The following NOL9 variants were observed in gnomAD, a reference collection of about 807,000 sequenced individuals.
NOL9 encodes the protein polynucleotide 5'-hydroxyl-kinase NOL9.
NOL9 carries 28 observed loss-of-function variants against 67.9 expected under a neutral mutation model. The ratio of observed to expected loss-of-function variants is 0.41; its 90% confidence interval spans 0.31 to 0.57. The LOEUF is 0.57. Ranked by LOEUF, NOL9 falls within the 20% of genes least tolerant of loss-of-function variation. The probability of loss-of-function intolerance (pLI) is 0.25; values close to 1 mark genes in which losing one functional copy is unlikely to be tolerated. For synonymous variants in NOL9, 356 were observed against 352.2 expected (o/e 1.01, Z -0.12); for missense variants, 777 against 897.0 (o/e 0.87, Z 1.71).
chr1:6,550,918 G>A (rs575039219), intron 1 of NOL9, among the ~76,000 whole-genome samples: 3 of 151,964 alleles, frequency 2.0e-5, no homozygotes, highest in African/African-American at 7.2e-5. Context: ...CCCGACCTCA[G>A]GTGATCCATC....
At chr1:6,553,585 T>TA (rs769198172) in intron 1 of NOL9, among the ~76,000 whole-genome samples, 5 of 151,886 alleles carry the variant, frequency 3.3e-5, no homozygotes, top group Non-Finnish European at 5.9e-5. Flanking sequence ...TTCACACCTG[T>TA]AATCCCAGCA....
intron 6 of NOL9, among the ~76,000 whole-genome samples, chr1:6,535,429 A>G (rs143425597): frequency 6.6e-6 from 1 of 152,316 alleles, no homozygotes; most frequent in East Asian, 1.9e-4. Context: ...GGATGGAGCC[A>G]TGGAGTAGCC....
chr1:6,550,173 A>G (rs565540031), intron 2 of NOL9, among the ~76,000 whole-genome samples: 92 of 152,190 alleles, frequency 6.0e-4, no homozygotes, highest in African/African-American at 2.1e-3. Flanking sequence ...CTGGGACTAC[A>G]GGCGCCTGCC....
chr1:6,541,048 A>G (rs1040222085), intron 6 of NOL9: 1 of 121,414 alleles, frequency 8.2e-6, no homozygotes, highest in Admixed American at 1.1e-4. Context: ...ATAGAATCTC[A>G]CTCTGTTGCC....
intron 7 of NOL9, 109 bp downstream of exon 7, chr1:6,533,171 C>T (rs964171476): frequency 5.2e-6 from 6 of 1,151,602 alleles, no homozygotes; most frequent in African/African-American, 1.6e-5. Context: ...TGAGACCCTG[C>T]CTCAATTAAA....
At chr1:6,534,197 A>C (rs1639097860) in intron 6 of NOL9, among the ~76,000 whole-genome samples, 1 of 152,104 alleles carries the variant, frequency 6.6e-6, no homozygotes, top group Non-Finnish European at 1.5e-5. Context: ...AAGAGCCTCT[A>C]ATTTTCATAA....
intron 2 of NOL9, 62 bp downstream of exon 2, chr1:6,550,334 A>G: frequency 1.3e-6 from 2 of 1,496,998 alleles, no homozygotes; most frequent in Non-Finnish European, 1.9e-6. Context: ...CCTGGCCCTA[A>G]AAATTATGAA....
In NOL9 at chr1:6,525,708, A is replaced by G; in HGVS notation, c.*146T>C. The G allele has an allele frequency of 3.7e-6, 3 of 810,476 alleles. No individual in the cohort carries two copies. Among genetic ancestry groups the G allele is most frequent in the Non-Finnish European group, 6.1e-6 (3 of 494,696 alleles). The allele number at this position is 810,476 out of a possible 1,614,324, so 50.2% of individuals were successfully genotyped here. A position where few individuals can be genotyped will look rare whatever the true frequency, so the allele number is the denominator to read the frequency against. ...TTTAAAAGAGAAACTTAAGACTACT[A>G]TATGACATTCACGAATTACACAAAA... is the stretch of plus-strand genomic sequence containing the variant. On this transcript the variant is annotated 3_prime_UTR_variant, in exon 12 of 12. Coordinates refer to ENST00000377705, the MANE Select transcript of NOL9 (RefSeq NM_024654.5).
In NOL9 at chr1:6,550,380, C is replaced by G; in HGVS notation, c.616+16G>C. 6.2e-7 allele frequency: 1 copy of G among 1,605,104 alleles called. No individual in the cohort carries two copies. Among genetic ancestry groups the G allele is most frequent in the Non-Finnish European group, 8.5e-7 (1 of 1,171,920 alleles). On this transcript the variant is annotated intron_variant, in intron 2 of 11. Coordinates refer to ENST00000377705, the MANE Select transcript of NOL9 (RefSeq NM_024654.5). ...TACAGTAGGCCCTCAGTAAATTACCCAGTTCTTTTCATTACCAAGGTTAAG... is the reference window on the plus strand; with the variant it reads ...TACAGTAGGCCCTCAGTAAATTACCGAGTTCTTTTCATTACCAAGGTTAAG...
Position 6,532,678 on chromosome 1 carries a change from T to C in NOL9, c.1320A>G (p.Lys440=), listed in dbSNP as rs1299009466. ...HVVQFRSDHS[K]YMPDLTPQYV... is the part of the protein sequence containing the mutation. ...ACTGCGGGGTAAGGTCTGGCATATA[T>C]TTACTGTGGTCAGAGCGGAACTGAA... is the stretch of plus-strand genomic sequence containing the variant. The change falls in exon 8 of 12, where the codon AAA becomes AAG. Residue 440 remains lysine (K), a synonymous_variant. Transcript: ENST00000377705. The C allele has an allele frequency of 6.2e-7, 1 of 1,614,064 alleles. No individual in the cohort carries two copies. Among genetic ancestry groups the C allele is most frequent in the African/African-American group, 1.3e-5 (1 of 74,908 alleles).
At chr1:6,528,937 T>C in intron 10 of NOL9, 57 bp downstream of exon 10, 5 of 1,542,364 alleles carry the variant, frequency 3.2e-6, no homozygotes, top group Non-Finnish European at 4.5e-6. Flanking sequence ...TCATCTACAG[T>C]TGAAGCAGTG....
intron 3 of NOL9, among the ~76,000 whole-genome samples, chr1:6,547,120 G>A (rs1406655315): frequency 6.6e-6 from 1 of 152,150 alleles, no homozygotes. Flanking sequence ...GTGCCCCAGG[G>A]CTCAGAGCTG....
intron 1 of NOL9, 76 bp downstream of exon 1, chr1:6,554,031 T>C (rs1639608103): frequency 1.6e-6 from 2 of 1,274,202 alleles, no homozygotes; most frequent in East Asian, 2.9e-5. Flanking sequence ...GGTCCTCTCC[T>C]ACCCTGCAGC....
intron 6 of NOL9, among the ~76,000 whole-genome samples, chr1:6,534,653 G>A (rs1437413682): frequency 6.6e-6 from 1 of 152,154 alleles, no homozygotes; most frequent in Non-Finnish European, 1.5e-5. Context: ...CAAATATATT[G>A]TAAATAATCA....
chr1:6,532,195 C>A, intron 8 of NOL9, 116 bp from the exon 9 acceptor site: 2 of 837,168 alleles, frequency 2.4e-6, no homozygotes, highest in South Asian at 3.2e-5. Flanking sequence ...AACACTGCCC[C>A]CCCTTGACGG....
At position 6,525,802 on chromosome 1, in the gene NOL9, G is replaced by C; in HGVS notation, c.*52C>G. On this transcript the variant is annotated 3_prime_UTR_variant, in exon 12 of 12. Coordinates refer to ENST00000377705, the MANE Select transcript of NOL9 (RefSeq NM_024654.5). ...CATCATGTCTCTTGTGGTCAGGCTT[G>C]AGACAAAGCTTTCTGGTAGGAAAGT... The C allele has an allele frequency of 5.0e-6, 8 of 1,602,570 alleles. No individual in the cohort carries two copies. The Admixed American group carries it at 8.4e-5, about 17-fold the overall frequency.
Position 6,523,832 on chromosome 1 carries a change from T to C in NOL9, c.*2022A>G, listed in dbSNP as rs563032591. ...AGAGGCAACGATTTTTCTTTACTGA[T>C]AGGGACTGAAGAAAAAGACTTGACC... On this transcript the variant is annotated 3_prime_UTR_variant, in exon 12 of 12. Transcript: ENST00000377705. 3 of 152,222 alleles carry C rather than the reference T, an allele frequency of 2.0e-5. No homozygotes were observed. The highest frequency in any genetic ancestry group is 4.4e-5 in the Non-Finnish European group (3 of 68,026). 9.4% of individuals were successfully genotyped at this position (152,222 alleles called of 1,614,324 possible).
chr1:6,542,844 G>A (rs533911980), intron 5 of NOL9, among the ~76,000 whole-genome samples: 17 of 151,152 alleles, frequency 1.1e-4, no homozygotes, highest in African/African-American at 3.6e-4. Flanking sequence ...CACCTGCCTC[G>A]GCCTCCCAAA....
In NOL9 at chr1:6,532,488, C is replaced by T. The variant is rs969106311; in HGVS notation, c.1510G>A (p.Ala504Thr). The T allele has an allele frequency of 2.5e-6, 4 of 1,611,650 alleles. No homozygotes were observed. The highest frequency in any genetic ancestry group is 3.4e-6 in the Non-Finnish European group (4 of 1,178,022). ...HKLIGVYTDF[A>T]FRITPRNRES... The stretch of plus-strand genomic sequence containing the variant: ...CTATTTCTTGGAGTTATTCTGAATG[C>T]AAAGTCTGTATAAACACCTATCAGT... The change falls in exon 8 of 12, where the codon GCA becomes ACA. Residue 504 changes from alanine to threonine, a missense_variant. Ala to Thr is a moderately conservative substitution (Grantham distance 58). Coordinates refer to ENST00000377705, the MANE Select transcript of NOL9 (RefSeq NM_024654.5).
Sources: gnomAD v4.1 joint callset for allele counts (sites outside exome capture counted in the v4.1 genomes callset) on GRCh38, gnomAD v4.1.1 for gene constraint, MANE v1.5 for transcripts, NCBI Gene and HGNC (gene_info 2026-07-23, HGNC 2026-07-21) for gene names.